MAPK10: variants seen among roughly 807,000 people sequenced by gnomAD.
MAPK10 encodes mitogen-activated protein kinase 10.
A neutral mutation model predicts 59.3 loss-of-function variants in MAPK10; 25 were observed. The ratio of observed to expected loss-of-function variants is 0.42; its 90% CI spans 0.31 to 0.59. MAPK10 has a LOEUF of 0.59. MAPK10 is among the 20% of genes least tolerant of loss of function. The probability of loss-of-function intolerance (pLI) is 0.15; values close to 1 mark genes in which losing one functional copy is unlikely to be tolerated. For synonymous variants in MAPK10, 190 were observed against 200.5 expected (o/e 0.95, Z 0.44); for missense variants, 351 against 568.9 (o/e 0.62, Z 3.90).
intron 1 of MAPK10, among the ~76,000 whole-genome samples, chr4:86,424,008 C>T (rs1746929229): frequency 6.6e-6 from 1 of 151,694 alleles, no homozygotes; most frequent in African/African-American, 2.4e-5. Flanking sequence ...GAAGAAGTGC[C>T]TGTAAGAGAT....
At chr4:86,022,122 G>GC (rs1257496165) in intron 13 of MAPK10, among the ~76,000 whole-genome samples, 2 of 152,244 alleles carry the variant, frequency 1.3e-5, no homozygotes, top group African/African-American at 4.8e-5. Flanking sequence ...CAGGGGAGGT[G>GC]CCGAGAGCAA....
At chr4:86,298,778 ATTTTTG>A (rs776332686) in intron 2 of MAPK10, among the ~76,000 whole-genome samples, 15 of 152,126 alleles carry the variant, frequency 9.9e-5, no homozygotes, top group Non-Finnish European at 1.6e-4. Context: ...GTCTTCTATT[ATTTTTG>A]TTCTTCTTTT....
chr4:86,375,037 A>G (rs914727010), intron 1 of MAPK10, among the ~76,000 whole-genome samples: 2 of 152,228 alleles, frequency 1.3e-5, no homozygotes, highest in Admixed American at 1.3e-4. Flanking sequence ...ATGGAGCTCA[A>G]TGATTTTTAG....
intron 2 of MAPK10, among the ~76,000 whole-genome samples, chr4:86,338,950 C>T (rs1324543743): frequency 6.9e-6 from 1 of 144,520 alleles, no homozygotes; most frequent in Non-Finnish European, 1.5e-5. Context: ...CAGGTATGTG[C>T]TACATACCCA....
intron 1 of MAPK10, among the ~76,000 whole-genome samples, chr4:86,549,546 A>G (rs2149099232): frequency 6.6e-6 from 1 of 152,334 alleles, no homozygotes; most frequent in Middle Eastern, 3.4e-3. Flanking sequence ...ACAGGACTGG[A>G]AGTTGCTCTG....
intron 2 of MAPK10, among the ~76,000 whole-genome samples, chr4:86,281,765 G>A: frequency 6.6e-6 from 1 of 151,920 alleles, no homozygotes; most frequent in Non-Finnish European, 1.5e-5. Context: ...CTAGTCTCGG[G>A]ATTGACAGTA....
chr4:86,462,253 A>G (rs1751814210), intron 1 of MAPK10, among the ~76,000 whole-genome samples: 1 of 152,250 alleles, frequency 6.6e-6, no homozygotes, highest in Non-Finnish European at 1.5e-5. Flanking sequence ...TAAAAGGGGT[A>G]CAAGTACAAA....
chr4:86,270,903 T>C (rs1168548568), intron 2 of MAPK10, among the ~76,000 whole-genome samples: 1 of 152,140 alleles, frequency 6.6e-6, no homozygotes, highest in Non-Finnish European at 1.5e-5. Context: ...GAATATACTA[T>C]AGTTTATTCA....
chr4:86,229,905 C>A (rs988788136), intron 2 of MAPK10, among the ~76,000 whole-genome samples: 10 of 151,490 alleles, frequency 6.6e-5, no homozygotes, highest in Admixed American at 1.3e-4. Context: ...AAAAAAAAAT[C>A]AAAAAATTAG....
At chr4:86,040,424 A>T (rs2041278647) in intron 11 of MAPK10, among the ~76,000 whole-genome samples, 1 of 152,198 alleles carries the variant, frequency 6.6e-6, no homozygotes, top group East Asian at 1.9e-4. Context: ...CCTTGAAGAC[A>T]AGTTATTTAA....
intron 8 of MAPK10, 100 bp downstream of exon 8, chr4:86,100,952 A>G: frequency 9.8e-7 from 1 of 1,020,006 alleles, no homozygotes; most frequent in East Asian, 2.4e-5. Flanking sequence ...GCCCTACTTT[A>G]TAAAAGCATG....
intron 1 of MAPK10, among the ~76,000 whole-genome samples, chr4:86,551,066 C>T (rs1759736335): frequency 6.6e-6 from 1 of 152,178 alleles, no homozygotes; most frequent in African/African-American, 2.4e-5. Context: ...TCTGTGAACA[C>T]AATAATGCCA....
intron 1 of MAPK10, among the ~76,000 whole-genome samples, chr4:86,469,996 G>A (rs533090843): frequency 4.6e-5 from 7 of 152,266 alleles, no homozygotes; most frequent in African/African-American, 1.7e-4. Context: ...CAAGGTTCTG[G>A]AATAGCAAAA....
chr4:86,249,223 AAAAT>A (rs756025798), intron 2 of MAPK10, among the ~76,000 whole-genome samples: 2 of 152,182 alleles, frequency 1.3e-5, no homozygotes, highest in Non-Finnish European at 2.9e-5. Context: ...AACAGTGGCT[AAAAT>A]AAATAGGAGC....
intron 11 of MAPK10, among the ~76,000 whole-genome samples, chr4:86,036,746 A>G (rs562287783): frequency 6.6e-6 from 1 of 152,332 alleles, no homozygotes; most frequent in African/African-American, 2.4e-5. Context: ...TAGGGTGACC[A>G]TATTTCCCAG....
At chr4:86,169,810 G>A (rs542377082) in intron 3 of MAPK10, among the ~76,000 whole-genome samples, 39 of 152,110 alleles carry the variant, frequency 2.6e-4, no homozygotes, top group African/African-American at 9.2e-4. Flanking sequence ...AGGGCAGCCA[G>A]AGAGAAAGGT....
intron 1 of MAPK10, among the ~76,000 whole-genome samples, chr4:86,590,294 G>T (rs551611927): frequency 6.6e-6 from 1 of 152,032 alleles, no homozygotes; most frequent in Non-Finnish European, 1.5e-5. Context: ...CCCGCCCTTT[G>T]CCTGTACCTA....
chr4:86,451,320 T>G (rs150553170), intron 1 of MAPK10, among the ~76,000 whole-genome samples: 2 of 152,194 alleles, frequency 1.3e-5, no homozygotes, highest in Admixed American at 1.3e-4. Context: ...AGTTCTGTGA[T>G]GAATTATTAA....
chr4:86,485,288 T>C (rs1645191393), intron 1 of MAPK10, among the ~76,000 whole-genome samples: 1 of 152,226 alleles, frequency 6.6e-6, no homozygotes, highest in African/African-American at 2.4e-5. Context: ...ATGTATATTC[T>C]TGGGAGCACA....
Sources: allele counts gnomAD v4.1 joint callset (sites outside exome capture counted in the v4.1 genomes callset), GRCh38; gene constraint gnomAD v4.1.1; transcripts MANE v1.5; gene names NCBI Gene and HGNC (gene_info 2026-07-23, HGNC 2026-07-21).